FGGY: variants seen among roughly 807,000 people sequenced by gnomAD.
FGGY encodes the protein FGGY carbohydrate kinase domain containing, also known as FGGY carbohydrate kinase domain-containing protein.
In FGGY, 72 loss-of-function variants were observed where a neutral mutation model predicts 71.3. That is an observed-to-expected ratio of 1.01 (90% confidence interval 0.84 to 1.23). FGGY has a LOEUF of 1.23. FGGY is among the 50% of genes most tolerant of loss of function. The pLI, the probability that FGGY is intolerant of heterozygous loss-of-function variation, is 0.00. For synonymous variants in FGGY, 251 were observed against 250.3 expected, an observed-to-expected ratio of 1.00 and a Z score of -0.02; for missense variants, 668 against 682.3, an observed-to-expected ratio of 0.98 and a Z score of 0.23.
At chr1:59,500,969 C>G (rs2094206613) in intron 6 of FGGY, among the ~76,000 whole-genome samples, 1 of 152,222 alleles carries the variant, frequency 6.6e-6, no homozygotes, top group African/African-American at 2.4e-5. Flanking sequence ...CATGTTTGGT[C>G]TACATGATAG....
intron 8 of FGGY, among the ~76,000 whole-genome samples, chr1:59,556,560 C>T (rs1318810895): frequency 6.6e-6 from 1 of 152,152 alleles, no homozygotes; most frequent in Non-Finnish European, 1.5e-5. Flanking sequence ...ATGATGTACC[C>T]ATAGAGGAAT....
chr1:59,426,672 TTTTACTTGTTTACTTTTGCTTTTG>T (rs1292483377), intron 5 of FGGY, among the ~76,000 whole-genome samples: 2 of 152,166 alleles, frequency 1.3e-5, no homozygotes. Flanking sequence ...CTTGTTTACT[TTTTACTTGTTTACTTTTGCTTTTG>T]TTTACTTGTT....
At chr1:59,547,467 A>T (rs767347354) in intron 7 of FGGY, among the ~76,000 whole-genome samples, 129 of 152,170 alleles carry the variant, frequency 8.5e-4, no homozygotes, top group Non-Finnish European at 3.1e-4. Flanking sequence ...AATTAGAGTC[A>T]GGTAGATCTG....
intron 5 of FGGY, among the ~76,000 whole-genome samples, chr1:59,399,088 C>CA (rs2061645295): frequency 6.6e-6 from 1 of 152,162 alleles, no homozygotes; most frequent in Non-Finnish European, 1.5e-5. Flanking sequence ...CTTTGTATCT[C>CA]AGTTTCTTCA....
At chr1:59,385,521 A>G (rs2059975093) in intron 5 of FGGY, among the ~76,000 whole-genome samples, 1 of 152,184 alleles carries the variant, frequency 6.6e-6, no homozygotes, top group South Asian at 2.1e-4. Context: ...TGCTTTAGTA[A>G]TTTGCCACAT....
rs183048161 is a variant in FGGY at position 59,696,599 on chromosome 1, G to A, written c.1512+22466G>A. Among the ~76,000 whole-genome samples the A allele has an allele frequency of 1.9e-3, 295 of 152,320 alleles. 1 individual carries two copies. Among genetic ancestry groups the A allele is most frequent in the African/African-American group, 6.9e-3 (286 of 41,566 alleles). On this transcript the variant is annotated intron_variant, in intron 14 of 15. Coordinates refer to ENST00000303721, the MANE Select transcript of FGGY (RefSeq NM_018291.5). ...TAAACCTCATAGCATCAGACTCCCA[G>A]TCCAGTGCTCCTTCCAAGAGGCCTT...
At chr1:59,332,341 C>T (rs2048654823) in intron 2 of FGGY, among the ~76,000 whole-genome samples, 2 of 152,292 alleles carry the variant, frequency 1.3e-5, no homozygotes, top group South Asian at 4.1e-4. Context: ...CAAGCTGTTA[C>T]AATGAGATTA....
chr1:59,531,935 C>T (rs1277230460), intron 7 of FGGY, among the ~76,000 whole-genome samples: 1 of 152,174 alleles, frequency 6.6e-6, no homozygotes, highest in Non-Finnish European at 1.5e-5. Context: ...AGGTAGGTAA[C>T]ATAATCAGAA....
rs538110614 is a variant in FGGY, at chr1:59,457,833, C to T, written c.670+757C>T. Among the ~76,000 whole-genome samples, 6 of 152,252 alleles carry T rather than the reference C, an allele frequency of 3.9e-5. No homozygotes were observed. The East Asian group carries it at 5.8e-4, about 15-fold the overall frequency. On this transcript the variant is annotated intron_variant, in intron 6 of 15. Transcript: ENST00000303721. ...ATCTAGAAAAAAGCAGAAACTAGAA[C>T]GAGTCAGTGGCTCCTAACTAAGGCC...
chr1:59,501,063 T>G (rs1210270751), intron 6 of FGGY, among the ~76,000 whole-genome samples: 1 of 152,210 alleles, frequency 6.6e-6, no homozygotes, highest in Non-Finnish European at 1.5e-5. Flanking sequence ...GTGGTTCACC[T>G]GAGAGTTGCT....
At position 59,721,337 on chromosome 1, in the gene FGGY, G is replaced by GTTTTTTTTTTTTTTTTT. The variant is rs71046339; in HGVS notation, c.1513-36591_1513-36575dup. ...AGAGAGTTTTTCTTTTCTTTCCTTT[G>GTTTTTTTTTTTTTTTTT]TTTTTTTTTTTTTTTTTTTGAGACG... On this transcript the variant is annotated intron_variant, in intron 14 of 15. Coordinates refer to ENST00000303721, the MANE Select transcript of FGGY (RefSeq NM_018291.5). Among the ~76,000 whole-genome samples, 192 of 105,336 alleles carry GTTTTTTTTTTTTTTTTT rather than the reference G, an allele frequency of 1.8e-3. 21 individuals carry two copies. The highest frequency in any genetic ancestry group is 4.8e-3 in the East Asian group (15 of 3,124). The allele number at this position is 105,336 out of a possible 152,430, so 69.1% of individuals were successfully genotyped here.
chr1:59,759,520 A>C (rs1420456064), intron 15 of FGGY, among the ~76,000 whole-genome samples: 12 of 152,178 alleles, frequency 7.9e-5, no homozygotes, highest in Admixed American at 6.5e-4. Context: ...TTTTCAGGGA[A>C]GTTTTTAAGT....
intron 5 of FGGY, among the ~76,000 whole-genome samples, chr1:59,438,154 A>G (rs1288215049): frequency 2.0e-5 from 3 of 152,166 alleles, no homozygotes; most frequent in Non-Finnish European, 2.9e-5. Flanking sequence ...CTTTTAGTTC[A>G]TTGTTATTAC....
At chr1:59,511,379 G>T (rs140949097) in intron 6 of FGGY, among the ~76,000 whole-genome samples, 1 of 152,108 alleles carries the variant, frequency 6.6e-6, no homozygotes, top group Non-Finnish European at 1.5e-5. Flanking sequence ...GGGCTCAAAG[G>T]GGTCTTAATA....
intron 8 of FGGY, among the ~76,000 whole-genome samples, chr1:59,589,690 G>T (rs11584775): frequency 1.3e-5 from 2 of 152,056 alleles, no homozygotes; most frequent in African/African-American, 4.8e-5. Context: ...AATGACTACT[G>T]GGTACATAAT....
chr1:59,567,860 T>C (rs1030642398), intron 8 of FGGY, among the ~76,000 whole-genome samples: 4 of 150,232 alleles, frequency 2.7e-5, no homozygotes, highest in African/African-American at 9.8e-5. Flanking sequence ...AAATCCTTTG[T>C]CAAGTCTCCT....
intron 7 of FGGY, among the ~76,000 whole-genome samples, chr1:59,528,860 T>C (rs1272920985): frequency 1.1e-4 from 16 of 152,252 alleles, no homozygotes; most frequent in African/African-American, 3.6e-4. Context: ...AAGGAATTTA[T>C]ATACTGTCTG....
chr1:59,517,411 G>A lies in FGGY; in HGVS notation c.799+4972G>A, dbSNP rs551968827. On this transcript the variant is annotated intron_variant, in intron 7 of 15. Coordinates refer to ENST00000303721, the MANE Select transcript of FGGY (RefSeq NM_018291.5). The stretch of plus-strand genomic sequence containing the variant: ...CTCCCAAGTAGCTGGGACTACAGGC[G>A]CCCGCCACTATGCCCGGCTAATTTT... 7.3e-5 allele frequency among the ~76,000 whole-genome samples: 11 copies of A among 150,532 alleles called. No homozygotes were observed. In the East Asian group the frequency reaches 1.6e-3, roughly 21 times the overall value.
At position 59,364,897 on chromosome 1, in the gene FGGY, G is replaced by A. The variant is rs146506694; in HGVS notation, c.466-13852G>A. Among the ~76,000 whole-genome samples, 406 of 152,314 alleles carry A rather than the reference G, an allele frequency of 2.7e-3. 1 individual carries two copies. Among genetic ancestry groups the A allele is most frequent in the Non-Finnish European group, 4.3e-3 (294 of 68,036 alleles). ...CCTCTTCATGAATTAATTGGGAGTT[G>A]AAATTAGAATGGTGGTTGAATGTAA... On this transcript the variant is annotated intron_variant, in intron 4 of 15. Transcript: ENST00000303721.
Sources: allele counts gnomAD v4.1 joint callset (sites outside exome capture counted in the v4.1 genomes callset), GRCh38; gene constraint gnomAD v4.1.1; transcripts MANE v1.5; gene names NCBI Gene and HGNC (gene_info 2026-07-23, HGNC 2026-07-21).